The following ASIC2 variants were observed in gnomAD, a reference collection of about 807,000 sequenced individuals.
ASIC2 encodes acid-sensing ion channel 2.
In ASIC2, 25 loss-of-function variants were observed where a neutral mutation model predicts 57.3. That is an observed-to-expected ratio of 0.44 (90% CI 0.32 to 0.61). The LOEUF (loss-of-function observed/expected upper bound fraction) is 0.61, where lower values mean the gene tolerates loss of function less well. ASIC2 is among the 20% of genes least tolerant of loss of function. The pLI is 0.06. For missense variants in ASIC2, 641 were observed against 738.1 expected (o/e 0.87, Z 1.52); for synonymous variants, 319 against 307.5 (o/e 1.04, Z -0.39).
intron 1 of ASIC2, among the ~76,000 whole-genome samples, chr17:33,986,765 AT>A (rs1236765504): frequency 1.3e-5 from 2 of 152,106 alleles, no homozygotes; most frequent in African/African-American, 4.8e-5. Flanking sequence ...TTAATCCCCC[AT>A]TATACAAATG....
chr17:34,092,090 CT>C (rs1358348759), intron 1 of ASIC2, among the ~76,000 whole-genome samples: 1 of 152,096 alleles, frequency 6.6e-6, no homozygotes, highest in Non-Finnish European at 1.5e-5. Flanking sequence ...GCAGAAAATT[CT>C]AGGGGTGGTA....
chr17:33,532,174 G>A (rs763600384), intron 1 of ASIC2, among the ~76,000 whole-genome samples: 13 of 152,126 alleles, frequency 8.5e-5, no homozygotes, highest in Non-Finnish European at 1.5e-4. Context: ...GCACCTCCAC[G>A]GTTTGCCCTC....
chr17:33,438,697 TAAAAGCTGAACAG>T (rs753404307), intron 1 of ASIC2, among the ~76,000 whole-genome samples: 4 of 152,160 alleles, frequency 2.6e-5, no homozygotes, highest in Non-Finnish European at 5.9e-5. Context: ...TTCTTCACTA[TAAAAGCTGAACAG>T]GACAATTACT....
At chr17:33,693,795 A>G (rs955533816) in intron 1 of ASIC2, among the ~76,000 whole-genome samples, 2 of 152,186 alleles carry the variant, frequency 1.3e-5, no homozygotes, top group Non-Finnish European at 2.9e-5. Flanking sequence ...AATTCTCTCT[A>G]GGTGAAAGGG....
chr17:33,680,367 G>C (rs1907962112), intron 1 of ASIC2, among the ~76,000 whole-genome samples: 1 of 152,116 alleles, frequency 6.6e-6, no homozygotes, highest in African/African-American at 2.4e-5. Flanking sequence ...CTCTGGGAAG[G>C]AGCTCATGGA....
intron 1 of ASIC2, among the ~76,000 whole-genome samples, chr17:33,763,661 G>A (rs181723814): frequency 5.1e-4 from 77 of 152,238 alleles, no homozygotes; most frequent in African/African-American, 1.6e-3. Flanking sequence ...AGCCACTGCC[G>A]GACACATTTT....
intron 1 of ASIC2, among the ~76,000 whole-genome samples, chr17:33,218,384 T>C (rs1223632830): frequency 6.6e-6 from 1 of 152,190 alleles, no homozygotes; most frequent in African/African-American, 2.4e-5. Flanking sequence ...TGACAGCCTG[T>C]GTTCTATTCA....
chr17:33,130,243 G>A (rs958692227), intron 1 of ASIC2, among the ~76,000 whole-genome samples: 1 of 152,160 alleles, frequency 6.6e-6, no homozygotes, highest in Non-Finnish European at 1.5e-5. Flanking sequence ...CAACAAAAAA[G>A]CGACGTTAAA....
chr17:33,540,586 C>T (rs1393633919), intron 1 of ASIC2, among the ~76,000 whole-genome samples: 1 of 152,108 alleles, frequency 6.6e-6, no homozygotes. Flanking sequence ...CAAGGAGTGA[C>T]CCATTTTCGC....
intron 1 of ASIC2, among the ~76,000 whole-genome samples, chr17:33,765,224 A>G (rs1420405163): frequency 6.6e-6 from 1 of 151,558 alleles, no homozygotes; most frequent in Non-Finnish European, 1.5e-5. Context: ...TCCTGCCTCA[A>G]CCTCCCGAGT....
intron 1 of ASIC2, among the ~76,000 whole-genome samples, chr17:33,164,121 T>C (rs1905238498): frequency 6.6e-6 from 1 of 152,158 alleles, no homozygotes; most frequent in Non-Finnish European, 1.5e-5. Flanking sequence ...CTTCGCCTGG[T>C]CCTGGGTTCC....
intron 1 of ASIC2, among the ~76,000 whole-genome samples, chr17:34,145,316 G>T (rs1912387048): frequency 6.6e-6 from 1 of 152,198 alleles, no homozygotes; most frequent in Non-Finnish European, 1.5e-5. Flanking sequence ...GTCTGGATGT[G>T]CTGGATTGCA....
At chr17:33,294,500 A>G (rs951431520), upstream of ASIC2, among the ~76,000 whole-genome samples, 7 of 152,054 alleles carry the variant, frequency 4.6e-5, no homozygotes, top group African/African-American at 1.7e-4. Flanking sequence ...GGGCACCCTT[A>G]CAGCGTGATG....
chr17:33,281,023 AAG>A lies in ASIC2; in HGVS notation c.708+10383_708+10384del, dbSNP rs1193268537. 7.2e-5 allele frequency among the ~76,000 whole-genome samples: 11 copies of A among 152,342 alleles called. No individual in the cohort carries two copies. In the South Asian group the frequency reaches 1.9e-3, roughly 26 times the overall value. On this transcript the variant is annotated intron_variant, in intron 1 of 9. Transcript: ENST00000225823. ...ATGGCCAGAATACATATTTTGGAAG[AAG>A]AGAGAGTTTACAGAGGAACAAACTG...
intron 1 of ASIC2, among the ~76,000 whole-genome samples, chr17:33,476,425 C>A (rs1913221647): frequency 6.6e-6 from 1 of 151,508 alleles, no homozygotes; most frequent in Non-Finnish European, 1.5e-5. Flanking sequence ...ACTTTTCATT[C>A]TTTGCTATTA....
chr17:34,040,459 G>T (rs749707138), intron 1 of ASIC2, among the ~76,000 whole-genome samples: 103 of 126,302 alleles, frequency 8.2e-4, no homozygotes, highest in Non-Finnish European at 1.6e-3. Context: ...AGGGGACGAG[G>T]AAGGTGGGGG....
chr17:33,540,024 A>G (rs1915358088), intron 1 of ASIC2, among the ~76,000 whole-genome samples: 1 of 152,208 alleles, frequency 6.6e-6, no homozygotes, highest in Admixed American at 6.6e-5. Context: ...GCCATAACAA[A>G]GTACCCCAGG....
At position 33,616,929 on chromosome 17, in the gene ASIC2, T is replaced by C. The variant is rs145576074; in HGVS notation, c.556-504862A>G. On this transcript the variant is annotated intron_variant, in intron 1 of 9. Coordinates refer to the ASIC2 transcript ENST00000359872. ...CTAGCTTTCTTGTGATTTCCACATT[T>C]CCACATTTTGTGAAAAACAACGATG... Among the ~76,000 whole-genome samples, 28 of 152,376 alleles carry C rather than the reference T, an allele frequency of 1.8e-4. No homozygotes were observed. The East Asian group carries it at 3.7e-3, about 20-fold the overall frequency.
chr17:33,474,342 G>T (rs1178519297), intron 1 of ASIC2, among the ~76,000 whole-genome samples: 2 of 152,148 alleles, frequency 1.3e-5, no homozygotes, highest in Non-Finnish European at 2.9e-5. Context: ...ACTCCAGCCT[G>T]GGTCACAGAG....
Sources: allele counts gnomAD v4.1 joint callset (sites outside exome capture counted in the v4.1 genomes callset), GRCh38; gene constraint gnomAD v4.1.1; transcripts MANE v1.5; gene names NCBI Gene and HGNC (gene_info 2026-07-23, HGNC 2026-07-21).